Variants in SLTM observed in about 807,000 individuals in gnomAD.
The protein encoded by SLTM is SAFB like transcription modulator, also known as SAFB-like transcription modulator.
In SLTM, 43 loss-of-function variants were observed where a neutral mutation model predicts 134.6. That is an observed-to-expected ratio of 0.32 (90% CI 0.25 to 0.41). The LOEUF (loss-of-function observed/expected upper bound fraction) is 0.41, where lower values mean the gene tolerates loss of function less well. SLTM is among the 10% of genes least tolerant of loss of function. The pLI, the probability that SLTM is intolerant of heterozygous loss-of-function variation, is 1.00. For missense variants in SLTM, 1,055 were observed against 1,288.8 expected (o/e 0.82, Z 2.78); for synonymous variants, 424 against 432.3 (o/e 0.98, Z 0.24).
At position 58,933,524 on chromosome 15, in the gene SLTM, C is replaced by A. The variant is rs150873124; in HGVS notation, c.42G>T (p.Ser14=). The part of the protein sequence containing the change: ...ATGAVAASAA[S]GQAEGKKITD... ...TGATCTTTTTACCTTCCGCCTGACC[C>A]GAGGCGGCCGAGGCTGCCACCGCAC... is the stretch of plus-strand genomic sequence containing the variant. Residue 14 remains serine (S), a synonymous_variant, in exon 1 of 21, where the codon TCG becomes TCT. Transcript: ENST00000380516. 317 of 1,595,404 alleles carry A rather than the reference C, an allele frequency of 2.0e-4. 1 individual carries two copies. The highest frequency in any genetic ancestry group is 2.5e-4 in the Non-Finnish European group (291 of 1,172,240).
At chr15:58,892,234 G>T (rs1282392163) in intron 14 of SLTM, among the ~76,000 whole-genome samples, 3 of 152,128 alleles carry the variant, frequency 2.0e-5, no homozygotes, top group Admixed American at 6.5e-5. Flanking sequence ...TCCAAAAATT[G>T]ATATACAAAA....
chr15:58,884,476 G>A (rs1298755079), intron 19 of SLTM, among the ~76,000 whole-genome samples: 3 of 151,732 alleles, frequency 2.0e-5, no homozygotes, highest in African/African-American at 4.8e-5. Context: ...GCACCAGCAC[G>A]CCCAGCTAAT....
At chr15:58,906,787 TG>T (rs776142753) in intron 5 of SLTM, among the ~76,000 whole-genome samples, 1 of 152,220 alleles carries the variant, frequency 6.6e-6, no homozygotes, top group African/African-American at 2.4e-5. Context: ...ACTAAATAAA[TG>T]TAGTGTAAGA....
intron 6 of SLTM, 130 bp downstream of exon 6, chr15:58,901,130 T>C (rs2035459862): frequency 1.3e-6 from 1 of 756,172 alleles, no homozygotes; most frequent in Non-Finnish European, 2.2e-6. Flanking sequence ...GATGCTAACT[T>C]AATTCACTAA....
In SLTM at chr15:58,888,554, G is replaced by A; in HGVS notation, c.2206C>T (p.Arg736Ter). ...LKRPRDVDHR[R>*]DDPYWSENKK... ...TTCTCGCTCCAGTAAGGATCATCTC[G>A]CCTTGAAGAGAAATATTTGCTTATT... The change falls in exon 17 of 21, where the codon CGA (arginine) becomes TGA (stop). Residue 736 changes from arginine to a stop codon, truncating the protein, a stop_gained and splice_region_variant. Transcript: ENST00000380516. LOFTEE classifies it high-confidence loss of function. 2 of 1,610,426 alleles carry A rather than the reference G, an allele frequency of 1.2e-6. No individual in the cohort carries two copies. The highest frequency in any genetic ancestry group is 1.7e-6 in the Non-Finnish European group (2 of 1,178,974).
At chr15:58,904,389 A>G (rs1428522778) in intron 5 of SLTM, among the ~76,000 whole-genome samples, 6 of 152,174 alleles carry the variant, frequency 3.9e-5, no homozygotes, top group East Asian at 1.9e-4. Context: ...GGGAATGACT[A>G]ACTATTTTAC....
At chr15:58,884,491 G>T (rs2034019369) in intron 19 of SLTM, among the ~76,000 whole-genome samples, 2 of 151,940 alleles carry the variant, frequency 1.3e-5, no homozygotes, top group Non-Finnish European at 2.9e-5. Context: ...GCTAATTTTT[G>T]TATTTTTAGT....
chr15:58,893,487 T>C (rs193164801), intron 12 of SLTM, 123 bp from the exon 13 acceptor site: 2 of 690,632 alleles, frequency 2.9e-6, no homozygotes, highest in East Asian at 5.7e-5. Context: ...AACTACTTAT[T>C]CTACAAGAAC....
chr15:58,887,789 C>T (rs1184342883), intron 17 of SLTM, among the ~76,000 whole-genome samples: 1 of 152,124 alleles, frequency 6.6e-6, no homozygotes, highest in African/African-American at 2.4e-5. Flanking sequence ...CACTACCAAG[C>T]TGAAGAATGT....
intron 1 of SLTM, among the ~76,000 whole-genome samples, chr15:58,932,793 A>G (rs1463454825): frequency 2.6e-5 from 4 of 152,244 alleles, no homozygotes; most frequent in Non-Finnish European, 5.9e-5. Context: ...TCTGTAATGC[A>G]AACTTACTGC....
intron 2 of SLTM, among the ~76,000 whole-genome samples, chr15:58,918,904 A>G (rs1440476057): frequency 6.6e-6 from 1 of 152,028 alleles, no homozygotes; most frequent in African/African-American, 2.4e-5. Flanking sequence ...GAAAAAGAAA[A>G]CTACTAAATT....
rs372432241 is a variant in SLTM at position 58,931,806 on chromosome 15, T to A, written c.250+550A>T. ...ACATCCCTATAATTTAAAACTTTTT[T>A]AAGCTAATTAATCATGGATTTTTCC... On this transcript the variant is annotated intron_variant, in intron 2 of 20. Transcript: ENST00000380516. Among the ~76,000 whole-genome samples, 164 of 152,332 alleles carry A rather than the reference T, an allele frequency of 1.1e-3. 1 individual carries two copies. Among genetic ancestry groups the A allele is most frequent in the African/African-American group, 3.8e-3 (158 of 41,582 alleles).
At position 58,879,971 on chromosome 15, in the gene SLTM, T is replaced by C. The variant is rs201277878; in HGVS notation, c.*28A>G. ...GTTTACAGGAGATTTCAATAAATTA[T>C]CTTAAAACCTTGGCAGAGAGCTCAT... On this transcript the variant is annotated 3_prime_UTR_variant, in exon 21 of 21. Transcript: ENST00000380516. 5.0e-6 allele frequency: 8 copies of C among 1,610,024 alleles called. No individual in the cohort carries two copies. The highest frequency in any genetic ancestry group is 6.8e-6 in the Non-Finnish European group (8 of 1,177,902).
chr15:58,893,368 A>C lies in SLTM; in HGVS notation c.1649-4T>G. Reference sequence around the variant, plus strand: ...ATATGTCCTGGACTCTTGGAACCTAAGGGAAAAAAATTATATAAAACAATG... The same window carrying C: ...ATATGTCCTGGACTCTTGGAACCTACGGGAAAAAAATTATATAAAACAATG... On this transcript the variant is annotated splice_polypyrimidine_tract_variant and splice_region_variant and intron_variant, in intron 12 of 20. Transcript: ENST00000380516. 7 of 1,582,916 alleles carry C rather than the reference A, an allele frequency of 4.4e-6. No homozygotes were observed. Among genetic ancestry groups the C allele is most frequent in the Non-Finnish European group, 6.0e-6 (7 of 1,167,402 alleles).
At chr15:58,892,673 TAACTA>T (rs2034757464) in intron 14 of SLTM, among the ~76,000 whole-genome samples, 1 of 152,206 alleles carries the variant, frequency 6.6e-6, no homozygotes, top group Non-Finnish European at 1.5e-5. Context: ...ATAATGGGCA[TAACTA>T]GCCTTACAGA....
chr15:58,887,643 T>TG (rs2140958682), intron 17 of SLTM, 103 bp from the exon 18 acceptor site: 1 of 1,493,742 alleles, frequency 6.7e-7, no homozygotes, highest in Admixed American at 2.4e-5. Flanking sequence ...AACCAAAAAA[T>TG]GAACTTAAGG....
intron 13 of SLTM, 71 bp downstream of exon 13, chr15:58,893,208 A>G: frequency 2.1e-6 from 3 of 1,457,726 alleles, no homozygotes; most frequent in Non-Finnish European, 2.8e-6. Flanking sequence ...AAAGATGGTT[A>G]TGGAAAAACA....
rs1348908001 is a variant in SLTM, at chr15:58,920,314, C to CT, written c.251-3316dup. Among the ~76,000 whole-genome samples, 9 of 151,706 alleles carry CT rather than the reference C, an allele frequency of 5.9e-5. No homozygotes were observed. In the South Asian group the frequency reaches 1.2e-3, roughly 21 times the overall value. On this transcript the variant is annotated intron_variant, in intron 2 of 20. Transcript: ENST00000380516. ...CATGCCTGAGAGACAGAGCGACACT[C>CT]TGTCTTGAAAGTAAAATAAATAAAT... is the stretch of plus-strand genomic sequence containing the variant.
chr15:58,923,104 C>G (rs1474953786), intron 2 of SLTM, among the ~76,000 whole-genome samples: 1 of 152,058 alleles, frequency 6.6e-6, no homozygotes, highest in African/African-American at 2.4e-5. Context: ...AACCTGTAAT[C>G]TCAAACCCTT....
Sources: gnomAD v4.1 joint callset for allele counts (sites outside exome capture counted in the v4.1 genomes callset) on GRCh38, gnomAD v4.1.1 for gene constraint, MANE v1.5 for transcripts, NCBI Gene and HGNC (gene_info 2026-07-23, HGNC 2026-07-21) for gene names.